The following PBRM1 variants were observed in gnomAD, a reference collection of about 807,000 sequenced individuals.
The protein encoded by PBRM1 is polybromo 1, also known as protein polybromo-1.
A neutral mutation model predicts 194.5 loss-of-function variants in PBRM1; 27 were observed. The observed-to-expected ratio is 0.14, with a 90% CI of 0.10 to 0.19. PBRM1 has a LOEUF of 0.19. Ranked by LOEUF, PBRM1 falls within the 10% of genes least tolerant of loss-of-function variation. The pLI is 1.00. For synonymous variants in PBRM1, 655 were observed against 693.2 expected (o/e 0.94, Z 0.87); for missense variants, 1,466 against 2,077.2 (o/e 0.71, Z 5.72).
intron 22 of PBRM1, among the ~76,000 whole-genome samples, chr3:52,564,968 G>C (rs1188233123): frequency 6.6e-6 from 1 of 152,128 alleles, no homozygotes; most frequent in Non-Finnish European, 1.5e-5. Flanking sequence ...GGGAGGCCGA[G>C]GCAGCAGAAA....
chr3:52,564,603 T>C (rs909499675), intron 22 of PBRM1, among the ~76,000 whole-genome samples: 6 of 151,480 alleles, frequency 4.0e-5, no homozygotes, highest in Non-Finnish European at 5.9e-5. Flanking sequence ...TGAGCTGTGA[T>C]TGCACTACTG....
intron 11 of PBRM1, among the ~76,000 whole-genome samples, chr3:52,630,417 ATAAAACT>A (rs1216614430): frequency 2.6e-5 from 4 of 152,212 alleles, no homozygotes; most frequent in African/African-American, 9.6e-5. Flanking sequence ...TTAAAATTAA[ATAAAACT>A]TAAAATCTAA....
intron 20 of PBRM1, among the ~76,000 whole-genome samples, chr3:52,581,434 C>T (rs2091145099): frequency 1.3e-5 from 2 of 150,842 alleles, no homozygotes; most frequent in Admixed American, 6.6e-5. Context: ...TGCTTGAACT[C>T]ATGAGGCGGA....
At chr3:52,554,817 TAACAAGGCCATC>T (rs2081883581) in exon 27 of PBRM1, 1 of 1,598,502 alleles carries the variant, frequency 6.3e-7, no homozygotes, top group Non-Finnish European at 8.5e-7. Flanking sequence ...CTGCCCATGC[TAACAAGGCCATC>T]AACTGGGCCC....
At chr3:52,666,944 G>A (rs1467778105) in intron 3 of PBRM1, among the ~76,000 whole-genome samples, 3 of 151,512 alleles carry the variant, frequency 2.0e-5, no homozygotes, top group Non-Finnish European at 2.9e-5. Context: ...GAAATAGAAC[G>A]GCCTAGTAAC....
chr3:52,676,140 AAAAAAAAAAAAATAAT>A, intron 2 of PBRM1, among the ~76,000 whole-genome samples: 1 of 30,316 alleles, frequency 3.3e-5, no homozygotes, highest in African/African-American at 1.7e-4. Flanking sequence ...AAAAAAAAAA[AAAAAAAAAAAAATAAT>A]GAATGAAGCG....
At chr3:52,648,833 T>G (rs1244464761) in intron 6 of PBRM1, among the ~76,000 whole-genome samples, 1 of 152,204 alleles carries the variant, frequency 6.6e-6, no homozygotes. Context: ...CCTAGTTACA[T>G]GAACCACTTG....
At chr3:52,551,023 C>T (rs2080856942) in intron 27 of PBRM1, among the ~76,000 whole-genome samples, 1 of 152,212 alleles carries the variant, frequency 6.6e-6, no homozygotes, top group Non-Finnish European at 1.5e-5. Context: ...AATACTAGAA[C>T]AATCTGTCAG....
chr3:52,589,169 T>G, exon 18 of PBRM1: 1 of 1,611,868 alleles, frequency 6.2e-7, no homozygotes, highest in East Asian at 2.2e-5. Context: ...TGGTACATGC[T>G]GTTTTTAAAG....
At chr3:52,582,521 T>C (rs899682804) in intron 20 of PBRM1, among the ~76,000 whole-genome samples, 7 of 150,556 alleles carry the variant, frequency 4.6e-5, no homozygotes, top group African/African-American at 1.7e-4. Context: ...GTGATTCTCC[T>C]GCCTCAGCCT....
intron 14 of PBRM1, among the ~76,000 whole-genome samples, chr3:52,616,625 G>A (rs112643492): frequency 6.6e-6 from 1 of 152,166 alleles, no homozygotes; most frequent in African/African-American, 2.4e-5. Context: ...CCCGGGAGGC[G>A]GAGCTTGCAG....
chr3:52,554,387 T>TA (rs2081764021), intron 27 of PBRM1, among the ~76,000 whole-genome samples: 1 of 152,258 alleles, frequency 6.6e-6, no homozygotes, highest in African/African-American at 2.4e-5. Flanking sequence ...CATTCACTGA[T>TA]AAGAGGACAC....
intron 20 of PBRM1, among the ~76,000 whole-genome samples, chr3:52,580,911 A>C (rs1323837424): frequency 2.0e-5 from 3 of 152,196 alleles, no homozygotes; most frequent in Non-Finnish European, 4.4e-5. Context: ...TATAGTCCTG[A>C]CTAAAAAAGA....
chr3:52,581,758 C>T (rs1358003672), intron 20 of PBRM1, among the ~76,000 whole-genome samples: 3 of 151,942 alleles, frequency 2.0e-5, no homozygotes, highest in Non-Finnish European at 4.4e-5. Context: ...CTGCCTCAAC[C>T]TCCCGAGAAG....
chr3:52,638,669 C>G (rs1052296686), intron 10 of PBRM1, among the ~76,000 whole-genome samples: 1 of 151,946 alleles, frequency 6.6e-6, no homozygotes, highest in Non-Finnish European at 1.5e-5. Flanking sequence ...TCATAGCTTA[C>G]GGCAAACTTG....
chr3:52,546,935 TAAAAG>T (rs1178295326), downstream of PBRM1: 1 of 233,134 alleles, frequency 4.3e-6, no homozygotes, highest in Non-Finnish European at 8.5e-6. Context: ...CATTGAAACT[TAAAAG>T]AAAAAATACA....
At chr3:52,627,226 A>C (rs1373472022) in intron 13 of PBRM1, 47 bp downstream of exon 14, 1 of 1,060,682 alleles carries the variant, frequency 9.4e-7, no homozygotes. Flanking sequence ...ATCTAAAACA[A>C]AATTAACAGG....
At chr3:52,551,674 C>G (rs2081018826) in intron 27 of PBRM1, among the ~76,000 whole-genome samples, 1 of 152,128 alleles carries the variant, frequency 6.6e-6, no homozygotes, top group African/African-American at 2.4e-5. Flanking sequence ...GGCAAGGGAC[C>G]CAGTTCATTA....
upstream of PBRM1, among the ~76,000 whole-genome samples, chr3:52,680,679 G>C (rs974680871): frequency 6.6e-6 from 1 of 151,354 alleles, no homozygotes; most frequent in Non-Finnish European, 1.5e-5. Context: ...TTCTTTTTTA[G>C]GTGGAGTCTC....
Sources: allele counts gnomAD v4.1 joint callset (sites outside exome capture counted in the v4.1 genomes callset), GRCh38; gene constraint gnomAD v4.1.1; transcripts MANE v1.5; gene names NCBI Gene and HGNC (gene_info 2026-07-23, HGNC 2026-07-21).